Variants in SAMD12 observed in about 807,000 individuals in gnomAD.
The protein encoded by SAMD12 is sterile alpha motif domain-containing protein 12.
SAMD12 carries 9 observed loss-of-function variants against 15.0 expected under a neutral mutation model. The observed-to-expected ratio is 0.60, with a 90% CI of 0.36 to 1.05. The LOEUF is 1.05. Among genes scored for constraint, SAMD12 ranks in the 50% least tolerant of loss-of-function variants. The probability of loss-of-function intolerance (pLI) is 0.01; values close to 1 mark genes in which losing one functional copy is unlikely to be tolerated. For missense variants in SAMD12, 230 were observed against 234.2 expected (o/e 0.98, Z 0.12); for synonymous variants, 86 against 90.1 (o/e 0.96, Z 0.25).
intron 4 of SAMD12, among the ~76,000 whole-genome samples, chr8:118,270,338 T>C (rs1843536): frequency 0.05 from 7,606 of 152,226 alleles, 600 homozygotes; most frequent in African/African-American, 0.16. Context: ...ATAAAACGAC[T>C]TTTCTTTCCT....
chr8:118,265,160 G>T (rs2630122), intron 4 of SAMD12, among the ~76,000 whole-genome samples: 152 of 152,270 alleles, frequency 1.0e-3, no homozygotes, highest in African/African-American at 3.6e-3. Flanking sequence ...GACTTGGCCA[G>T]ACAGCTCCAG....
At chr8:118,521,468 GCTCA>G (rs1346283725) in intron 2 of SAMD12, among the ~76,000 whole-genome samples, 1 of 152,160 alleles carries the variant, frequency 6.6e-6, no homozygotes, top group Non-Finnish European at 1.5e-5. Flanking sequence ...AGAGATAAGT[GCTCA>G]CTGTCATTTA....
intron 4 of SAMD12, among the ~76,000 whole-genome samples, chr8:118,294,928 T>C (rs927852513): frequency 2.0e-5 from 3 of 152,182 alleles, no homozygotes; most frequent in African/African-American, 4.8e-5. Context: ...GTCAACAGAA[T>C]TGTCAACAAA....
chr8:118,351,413 T>C (rs1372572474), intron 4 of SAMD12, among the ~76,000 whole-genome samples: 1 of 152,158 alleles, frequency 6.6e-6, no homozygotes, highest in Non-Finnish European at 1.5e-5. Context: ...CCTTTTATTT[T>C]ACTGGAAAGT....
intron 2 of SAMD12, among the ~76,000 whole-genome samples, chr8:118,550,585 T>C (rs1826295962): frequency 6.6e-6 from 1 of 152,166 alleles, no homozygotes; most frequent in Non-Finnish European, 1.5e-5. Context: ...TGCCAAAATG[T>C]AAAGACCATC....
intron 4 of SAMD12, among the ~76,000 whole-genome samples, chr8:118,330,921 CAT>C (rs1816778072): frequency 6.6e-6 from 1 of 151,986 alleles, no homozygotes; most frequent in Non-Finnish European, 1.5e-5. Context: ...CCACACAACA[CAT>C]GTGTGTAAGA....
chr8:118,366,881 T>TAAAATAA lies in SAMD12; in HGVS notation c.433+12678_433+12679insTTATTTT, dbSNP rs1372250393. On this transcript the variant is annotated intron_variant, in intron 4 of 4. Coordinates refer to the SAMD12 transcript ENST00000409003. Reference sequence around the variant, plus strand: ...TAAAATAAAATAAAATAAAATAAAATAATAAAATAAAATAAAATAAAATAA... The same window carrying TAAAATAA: ...TAAAATAAAATAAAATAAAATAAAATAAAATAAAATAAAATAAAATAAAATAAAATAA... 6.1e-4 allele frequency among the ~76,000 whole-genome samples: 32 copies of TAAAATAA among 52,358 alleles called. 1 individual carries two copies. Among genetic ancestry groups the TAAAATAA allele is most frequent in the Admixed American group, 1.6e-3 (8 of 4,964 alleles). The allele number at this position is 52,358 out of a possible 152,430, so 34.3% of individuals were successfully genotyped here.
intron 2 of SAMD12, among the ~76,000 whole-genome samples, chr8:118,440,654 G>GAA (rs199539807): frequency 2.9e-4 from 22 of 75,074 alleles, no homozygotes; most frequent in African/African-American, 1.1e-3. Flanking sequence ...TATTTATGAG[G>GAA]AAAACACACA....
intron 4 of SAMD12, among the ~76,000 whole-genome samples, chr8:118,328,964 A>G (rs183117397): frequency 1.3e-5 from 2 of 152,324 alleles, no homozygotes; most frequent in South Asian, 2.1e-4. Flanking sequence ...CCTCAGCGCT[A>G]AAGTAGGTTG....
At chr8:118,578,922 G>T (rs973963001) in intron 2 of SAMD12, among the ~76,000 whole-genome samples, 6 of 152,154 alleles carry the variant, frequency 3.9e-5, no homozygotes, top group Admixed American at 1.3e-4. Context: ...AAACTCAAAT[G>T]AATCTGGTTT....
At chr8:118,349,120 G>A (rs1423792800) in intron 4 of SAMD12, among the ~76,000 whole-genome samples, 1 of 152,174 alleles carries the variant, frequency 6.6e-6, no homozygotes, top group Non-Finnish European at 1.5e-5. Flanking sequence ...GAGTCATACA[G>A]ATCTTCATGG....
Position 118,580,905 on chromosome 8 carries a change from C to A in SAMD12, c.14-12G>T. ...ACCACAGTGGAGAGCTAGGAAAAAGCAACAAATAGAACTCAGAAAACAAAC... is the reference window on the plus strand; with the variant it reads ...ACCACAGTGGAGAGCTAGGAAAAAGAAACAAATAGAACTCAGAAAACAAAC... On this transcript the variant is annotated splice_polypyrimidine_tract_variant and intron_variant, in intron 1 of 3. Coordinates refer to ENST00000314727, the MANE Select transcript of SAMD12 (RefSeq NM_207506.3). 6.3e-7 allele frequency: 1 copy of A among 1,596,288 alleles called. No homozygotes were observed. Among genetic ancestry groups the A allele is most frequent in the Non-Finnish European group, 8.5e-7 (1 of 1,171,684 alleles).
intron 2 of SAMD12, among the ~76,000 whole-genome samples, chr8:118,522,437 T>C (rs909860811): frequency 6.6e-6 from 1 of 152,092 alleles, no homozygotes; most frequent in African/African-American, 2.4e-5. Flanking sequence ...TAAGAATGAG[T>C]GCCCACACAG....
At chr8:118,328,211 G>T (rs915148408) in intron 4 of SAMD12, among the ~76,000 whole-genome samples, 13 of 152,056 alleles carry the variant, frequency 8.5e-5, no homozygotes, top group African/African-American at 2.7e-4. Flanking sequence ...AGCTTTATGA[G>T]AGGTTACAAA....
chr8:118,223,006 T>G (rs1812115046), intron 4 of SAMD12, among the ~76,000 whole-genome samples: 1 of 152,188 alleles, frequency 6.6e-6, no homozygotes, highest in Non-Finnish European at 1.5e-5. Context: ...AGAATGGGTA[T>G]GACAGTAGAG....
intron 2 of SAMD12, among the ~76,000 whole-genome samples, chr8:118,488,830 C>G (rs1435300022): frequency 6.6e-6 from 1 of 152,146 alleles, no homozygotes; most frequent in Non-Finnish European, 1.5e-5. Context: ...TTGTACAAGT[C>G]TTTGTTTGGA....
At chr8:118,438,971 G>T (rs1184851345) in intron 3 of SAMD12, among the ~76,000 whole-genome samples, 1 of 152,130 alleles carries the variant, frequency 6.6e-6, no homozygotes, top group Non-Finnish European at 1.5e-5. Context: ...AAAGGGAAGT[G>T]TTGCCCACAT....
intron 4 of SAMD12, among the ~76,000 whole-genome samples, chr8:118,334,701 T>C (rs929287804): frequency 5.9e-5 from 9 of 152,084 alleles, no homozygotes; most frequent in African/African-American, 1.9e-4. Context: ...GCTCAAGCGA[T>C]CCTCCCACCT....
intron 4 of SAMD12, among the ~76,000 whole-genome samples, chr8:118,225,874 G>GT (rs1353928141): frequency 6.6e-6 from 1 of 152,150 alleles, no homozygotes; most frequent in African/African-American, 2.4e-5. Flanking sequence ...GCTCAGAGAT[G>GT]GGAAGTAACT....
Sources: gnomAD v4.1 joint callset for allele counts (sites outside exome capture counted in the v4.1 genomes callset) on GRCh38, gnomAD v4.1.1 for gene constraint, MANE v1.5 for transcripts, NCBI Gene and HGNC (gene_info 2026-07-23, HGNC 2026-07-21) for gene names.